The following TUSC3 variants were observed in gnomAD, a reference collection of about 807,000 sequenced individuals.
The protein encoded by TUSC3 is dolichyl-diphosphooligosaccharide--protein glycosyltransferase subunit TUSC3.
TUSC3 carries 45 observed loss-of-function variants against 44.8 expected under a neutral mutation model. The ratio of observed to expected loss-of-function variants is 1.00; its 90% CI spans 0.79 to 1.29. The LOEUF is 1.29. Among genes scored for constraint, TUSC3 ranks in the 50% most tolerant of loss-of-function variants. The probability of loss-of-function intolerance (pLI) is 0.00; values close to 1 mark genes in which losing one functional copy is unlikely to be tolerated. For synonymous variants in TUSC3, 212 were observed against 152.9 expected, an observed-to-expected ratio of 1.39 and a Z score of -2.85; for missense variants, 519 against 437.9, an observed-to-expected ratio of 1.19 and a Z score of -1.65.
chr8:15,451,550 C>T (rs190334204), intron 1 of TUSC3, among the ~76,000 whole-genome samples: 5 of 152,242 alleles, frequency 3.3e-5, no homozygotes, highest in East Asian at 3.9e-4. Context: ...AGTGGCACAG[C>T]GGGAGAGTGC....
At chr8:15,804,301 A>G in the TUSC3 span, among the ~76,000 whole-genome samples, 1 of 152,158 alleles carries the variant, frequency 6.6e-6, no homozygotes, top group East Asian at 1.9e-4. Context: ...TACTCTGTTT[A>G]TAGTTTGTTT....
chr8:15,483,912 C>T (rs1800700815), intron 2 of TUSC3, among the ~76,000 whole-genome samples: 1 of 151,890 alleles, frequency 6.6e-6, no homozygotes, highest in African/African-American at 2.4e-5. Flanking sequence ...CCACCTTGGC[C>T]TCCCAAAGTG....
downstream of TUSC3, among the ~76,000 whole-genome samples, chr8:15,770,327 G>A (rs1040325685): frequency 5.9e-5 from 9 of 152,032 alleles, no homozygotes; most frequent in Middle Eastern, 3.2e-3. Context: ...CAAACACCGC[G>A]TGTTCTCACT....
At chr8:15,461,487 G>T (rs1296067256) in intron 1 of TUSC3, among the ~76,000 whole-genome samples, 6 of 151,884 alleles carry the variant, frequency 4.0e-5, no homozygotes, top group African/African-American at 9.7e-5. Flanking sequence ...AAACAGTGAG[G>T]GTTTGACTTC....
intron 6 of TUSC3, among the ~76,000 whole-genome samples, chr8:15,680,201 C>T (rs757932057): frequency 6.6e-6 from 1 of 151,858 alleles, no homozygotes; most frequent in Non-Finnish European, 1.5e-5. Flanking sequence ...TGATAGTGAG[C>T]CTTCCAATCC....
At chr8:15,727,560 T>G (rs914823313) in intron 6 of TUSC3, among the ~76,000 whole-genome samples, 3 of 152,096 alleles carry the variant, frequency 2.0e-5, no homozygotes, top group Non-Finnish European at 1.5e-5. Flanking sequence ...GGGTATCTGG[T>G]TTTGATGTGA....
At chr8:15,842,187 C>G in the TUSC3 span, among the ~76,000 whole-genome samples, 4 of 152,146 alleles carry the variant, frequency 2.6e-5, no homozygotes, top group Admixed American at 6.5e-5. Flanking sequence ...GATAGAATCA[C>G]TCCTTGTAAG....
chr8:15,594,748 G>A (rs533088437), intron 1 of TUSC3, among the ~76,000 whole-genome samples: 1 of 152,232 alleles, frequency 6.6e-6, no homozygotes, highest in East Asian at 1.9e-4. Flanking sequence ...AATCAGGTTC[G>A]CTGCACACTA....
At chr8:15,775,503 A>C in the TUSC3 span, among the ~76,000 whole-genome samples, 1 of 152,056 alleles carries the variant, frequency 6.6e-6, no homozygotes, top group African/African-American at 2.4e-5. Context: ...ATACAGCTAT[A>C]TAAAGGTATT....
chr8:15,639,321 C>T (rs1806255074), intron 2 of TUSC3, among the ~76,000 whole-genome samples: 1 of 152,126 alleles, frequency 6.6e-6, no homozygotes, highest in African/African-American at 2.4e-5. Context: ...GATGCTAGAT[C>T]ACGTGATGTT....
chr8:15,565,269 A>G (rs1178883096), intron 1 of TUSC3, among the ~76,000 whole-genome samples: 1 of 151,964 alleles, frequency 6.6e-6, no homozygotes, highest in African/African-American at 2.4e-5. Flanking sequence ...CCACATCTGA[A>G]AAACTGACTC....
the TUSC3 span, among the ~76,000 whole-genome samples, chr8:15,845,004 A>C: frequency 6.6e-6 from 1 of 152,190 alleles, no homozygotes; most frequent in African/African-American, 2.4e-5. Context: ...CAATAGAAAC[A>C]GCAGAACAGA....
At chr8:15,560,397 T>G (rs943106283) in intron 1 of TUSC3, among the ~76,000 whole-genome samples, 4 of 143,270 alleles carry the variant, frequency 2.8e-5, no homozygotes, top group Non-Finnish European at 4.7e-5. Flanking sequence ...GGGCTTCCCT[T>G]TGAGGGTAAC....
At chr8:15,488,693 T>C (rs968165354) in intron 2 of TUSC3, among the ~76,000 whole-genome samples, 1 of 152,182 alleles carries the variant, frequency 6.6e-6, no homozygotes, top group Admixed American at 6.5e-5. Flanking sequence ...GAAAGAAAGA[T>C]GTCATAGCTC....
chr8:15,659,717 G>T (rs2129179136), intron 4 of TUSC3, 70 bp downstream of exon 4: 3 of 1,579,754 alleles, frequency 1.9e-6, no homozygotes, highest in Non-Finnish European at 2.6e-6. Flanking sequence ...TTTTAATAAG[G>T]CCACAGTAAT....
chr8:15,785,185 T>C, the TUSC3 span, among the ~76,000 whole-genome samples: 3 of 152,124 alleles, frequency 2.0e-5, no homozygotes, highest in African/African-American at 4.8e-5. Flanking sequence ...AAGATATCCA[T>C]GTAACCAGTA....
intron 5 of TUSC3, among the ~76,000 whole-genome samples, chr8:15,671,495 G>C (rs1807944584): frequency 6.6e-6 from 1 of 151,988 alleles, no homozygotes; most frequent in Admixed American, 6.6e-5. Context: ...ATGTTACTCA[G>C]TGTTTTGTTG....
intron 7 of TUSC3, 108 bp from the exon 8 acceptor site, chr8:15,743,430 C>T (rs1328481885): frequency 1.9e-6 from 2 of 1,074,220 alleles, no homozygotes; most frequent in Non-Finnish European, 2.9e-6. Context: ...GTATTTACCT[C>T]TGTGTGCATT....
At chr8:15,609,772 A>T (rs952677705) in intron 1 of TUSC3, among the ~76,000 whole-genome samples, 3 of 151,826 alleles carry the variant, frequency 2.0e-5, no homozygotes, top group Non-Finnish European at 4.4e-5. Context: ...ACATGTTTTC[A>T]CTGTACATTA....
Sources: allele counts gnomAD v4.1 joint callset (sites outside exome capture counted in the v4.1 genomes callset), GRCh38; gene constraint gnomAD v4.1.1; transcripts MANE v1.5; gene names NCBI Gene and HGNC (gene_info 2026-07-23, HGNC 2026-07-21).